The following RMC1 variants were observed in gnomAD, a reference collection of about 807,000 sequenced individuals.
RMC1 encodes regulator of MON1-CCZ1, also known as regulator of MON1-CCZ1 complex.
Under a neutral mutation model 95.5 loss-of-function variants are expected in RMC1, and 44 were observed. The ratio of observed to expected loss-of-function variants is 0.46; its 90% CI spans 0.36 to 0.59. The LOEUF (loss-of-function observed/expected upper bound fraction) is 0.59. RMC1 is among the 20% of genes least tolerant of loss of function. The pLI is 0.00. For missense variants in RMC1, 705 were observed against 819.6 expected (o/e 0.86, Z 1.71); for synonymous variants, 320 against 303.6 (o/e 1.05, Z -0.56).
chr18:23,528,614 T>C (rs59350409), intron 14 of RMC1: 4,263 of 153,584 alleles, frequency 0.028, 202 homozygotes, highest in African/African-American at 0.098. Context: ...GCTGGGACAG[T>C]GTCCATTCCT....
intron 10 of RMC1, chr18:23,522,785 T>G (rs1298531625): frequency 6.6e-6 from 1 of 152,376 alleles, no homozygotes; most frequent in Non-Finnish European, 1.5e-5. Flanking sequence ...GCAAAGCATT[T>G]TCAGAGGTTA....
chr18:23,512,766 A>G (rs1320633874), intron 5 of RMC1, among the ~76,000 whole-genome samples: 2 of 152,132 alleles, frequency 1.3e-5, no homozygotes, highest in African/African-American at 4.8e-5. Flanking sequence ...AAAAAAACAT[A>G]CAACATTTAT....
intron 1 of RMC1, 129 bp from the exon 2 acceptor site, chr18:23,504,242 T>G: frequency 4.0e-6 from 3 of 743,014 alleles, no homozygotes; most frequent in Non-Finnish European, 7.2e-6. Context: ...ATCTGTACCT[T>G]GATATGTGCC....
intron 5 of RMC1, among the ~76,000 whole-genome samples, chr18:23,510,891 T>G (rs2057837793): frequency 6.6e-6 from 1 of 152,222 alleles, no homozygotes; most frequent in Non-Finnish European, 1.5e-5. Flanking sequence ...TGTAAATTAG[T>G]TCAACCTTTG....
chr18:23,506,638 C>T (rs962649456), intron 2 of RMC1: 2 of 258,290 alleles, frequency 7.7e-6, no homozygotes, highest in Non-Finnish European at 1.5e-5. Flanking sequence ...TTTCCAGAAG[C>T]TTTGCTGTGA....
At chr18:23,519,472 C>T (rs1402779364) in intron 9 of RMC1, among the ~76,000 whole-genome samples, 3 of 151,348 alleles carry the variant, frequency 2.0e-5, no homozygotes, top group Admixed American at 6.6e-5. Flanking sequence ...GAGTGGAGAT[C>T]GCGCCACTGC....
At chr18:23,513,275 T>C (rs902975912) in intron 5 of RMC1, among the ~76,000 whole-genome samples, 5 of 152,218 alleles carry the variant, frequency 3.3e-5, no homozygotes, top group Non-Finnish European at 7.3e-5. Context: ...CCTTTTATAC[T>C]TCATATAAGT....
intron 5 of RMC1, among the ~76,000 whole-genome samples, chr18:23,515,304 C>T (rs2057970936): frequency 6.6e-6 from 1 of 152,212 alleles, no homozygotes; most frequent in Non-Finnish European, 1.5e-5. Flanking sequence ...CCCTAATCCA[C>T]TCTTGGAGCC....
At chr18:23,522,583 C>T (rs1186980820) in intron 10 of RMC1, 2 of 152,504 alleles carry the variant, frequency 1.3e-5, no homozygotes, top group Non-Finnish European at 2.9e-5. Flanking sequence ...GAAGCCAAAA[C>T]ATTGGACACC....
At chr18:23,514,801 ACT>A (rs1555625871) in intron 5 of RMC1, among the ~76,000 whole-genome samples, 1 of 151,808 alleles carries the variant, frequency 6.6e-6, no homozygotes, top group Non-Finnish European at 1.5e-5. Context: ...AAGAAAGAAG[ACT>A]CTAGCACATC....
chr18:23,520,425 C>T, intron 10 of RMC1, 112 bp downstream of exon 10: 6 of 884,114 alleles, frequency 6.8e-6, no homozygotes, highest in Non-Finnish European at 1.0e-5. Flanking sequence ...AACAGAGATT[C>T]CCAGATCTGT....
rs777599626 is a variant in RMC1 at position 23,530,147 on chromosome 18, A to AT, written c.1599+20dup. 2 of 1,613,864 alleles carry AT rather than the reference A, an allele frequency of 1.2e-6. No individual in the cohort carries two copies. Among genetic ancestry groups the AT allele is most frequent in the South Asian group, 2.2e-5 (2 of 91,072 alleles). ...CCAAACCTTTGGTATGCATTGCCAG[A>AT]TTTTTACTTCCATTGTGGTTAAAAA... On this transcript the variant is annotated intron_variant, in intron 17 of 19. Coordinates refer to ENST00000269221, the MANE Select transcript of RMC1 (RefSeq NM_013326.5).
chr18:23,503,535 A>G lies in RMC1; in HGVS notation c.-84A>G, dbSNP rs1325753974. 31 of 931,408 alleles carry G rather than the reference A, an allele frequency of 3.3e-5. No individual in the cohort carries two copies. In the South Asian group the frequency reaches 3.6e-4, roughly 11 times the overall value. The allele number at this position is 931,408 out of a possible 1,614,324, so 57.7% of individuals were successfully genotyped here. On this transcript the variant is annotated 5_prime_UTR_variant, in exon 1 of 20. Transcript: ENST00000269221. ...CAGAGCCGCAGCCGCAGCCGCCGCT[A>G]CAGTCCGGGCCGGGCTCCACCGCGC...
In RMC1 at chr18:23,529,703, T is replaced by C; in HGVS notation, c.1485T>C (p.Ile495=). The part of the protein sequence containing the change: ...EYIRSLNQFQ[I]AVQHYLHELV... ...TTCGTTCTCTTAACCAGTTTCAGAT[T>C]GCAGTACAGGTACCTTCAAATCATC... The change falls in exon 16 of 20, where the codon ATT becomes ATC. Residue 495 remains isoleucine, a synonymous_variant. Coordinates refer to ENST00000269221, the MANE Select transcript of RMC1 (RefSeq NM_013326.5). 1 of 1,613,630 alleles carries C rather than the reference T, an allele frequency of 6.2e-7. No homozygotes were observed. The highest frequency in any genetic ancestry group is 1.6e-4 in the Middle Eastern group (1 of 6,062).
At position 23,529,170 on chromosome 18, in the gene RMC1, T is replaced by G. The variant is rs372218285; in HGVS notation, c.1297-9T>G. ...CCGAAGATCATAGTTTGTGGTTTTT[T>G]TCTTTCAGGCGGTGGAAGCAGGGCA... On this transcript the variant is annotated splice_polypyrimidine_tract_variant and intron_variant, in intron 14 of 19. Coordinates refer to ENST00000269221, the MANE Select transcript of RMC1 (RefSeq NM_013326.5). 12 of 1,606,778 alleles carry G rather than the reference T, an allele frequency of 7.5e-6. No homozygotes were observed. The African/African-American group carries it at 1.3e-4, about 18-fold the overall frequency.
At chr18:23,527,340 A>G (rs1339947480) in intron 13 of RMC1, among the ~76,000 whole-genome samples, 1 of 151,816 alleles carries the variant, frequency 6.6e-6, no homozygotes, top group Non-Finnish European at 1.5e-5. Flanking sequence ...ACGAGGCTGC[A>G]GCGAGCCGTT....
chr18:23,513,511 G>T (rs1220145712), intron 5 of RMC1, among the ~76,000 whole-genome samples: 1 of 152,236 alleles, frequency 6.6e-6, no homozygotes, highest in Non-Finnish European at 1.5e-5. Context: ...ATACAGGTAT[G>T]CAGATACCGC....
chr18:23,530,392 T>G lies in RMC1; in HGVS notation c.1674T>G (p.Leu558=). 6.2e-7 allele frequency: 1 copy of G among 1,614,186 alleles called. No individual in the cohort carries two copies. The highest frequency in any genetic ancestry group is 8.5e-7 in the Non-Finnish European group (1 of 1,180,008). Residue 558 remains leucine, a synonymous_variant, in exon 19 of 20, where the codon CTT becomes CTG. Transcript: ENST00000269221. ...HQLSLDMLKR[L]STANDEIVEV... ...CTTCTCTCCCTTACTGCTAGCGACT[T>G]TCAACAGCAAATGATGAAATAGTAG...
chr18:23,523,322 G>A (rs1013175570), intron 10 of RMC1, among the ~76,000 whole-genome samples: 3 of 152,026 alleles, frequency 2.0e-5, no homozygotes, highest in Admixed American at 6.5e-5. Flanking sequence ...GGTTGTTAAC[G>A]GTCCCTGTCA....
Sources: gnomAD v4.1 joint callset for allele counts (sites outside exome capture counted in the v4.1 genomes callset) on GRCh38, gnomAD v4.1.1 for gene constraint, MANE v1.5 for transcripts, NCBI Gene and HGNC (gene_info 2026-07-23, HGNC 2026-07-21) for gene names.